CDH22: variants seen among roughly 807,000 people sequenced by gnomAD.
CDH22 encodes the protein cadherin 22, also known as cadherin-22.
A neutral mutation model predicts 58.4 loss-of-function variants in CDH22; 30 were observed. The ratio of observed to expected loss-of-function variants is 0.51; its 90% CI spans 0.38 to 0.70. CDH22 has a LOEUF of 0.70. Among genes scored for constraint, CDH22 ranks in the 30% least tolerant of loss-of-function variants. The pLI is 0.00. For synonymous variants in CDH22, 513 were observed against 558.2 expected (o/e 0.92, Z 1.14); for missense variants, 1,014 against 1,233.9 (o/e 0.82, Z 2.67).
chr20:46,190,251 G>A (rs1323911887), intron 8 of CDH22, among the ~76,000 whole-genome samples: 1 of 152,204 alleles, frequency 6.6e-6, no homozygotes, highest in African/African-American at 2.4e-5. Flanking sequence ...CCTTGAAGAA[G>A]GCCTTGTTAA....
chr20:46,224,964 G>A (rs960430864), intron 4 of CDH22, among the ~76,000 whole-genome samples: 5 of 152,226 alleles, frequency 3.3e-5, no homozygotes, highest in Non-Finnish European at 7.3e-5. Context: ...GGGCTCCAGG[G>A]CCTCCCTGCC....
At chr20:46,181,752 C>CTGCTTTCTTTCTTTCTTTCT (rs2085788167) in intron 10 of CDH22, among the ~76,000 whole-genome samples, 1 of 26,272 alleles carries the variant, frequency 3.8e-5, no homozygotes, top group Admixed American at 4.5e-4. Context: ...TCCTTCCTTC[C>CTGCTTTCTTTCTTTCTTTCT]TTCTTTCTTT....
At chr20:46,200,525 G>A (rs573475349) in intron 7 of CDH22, among the ~76,000 whole-genome samples, 1 of 150,316 alleles carries the variant, frequency 6.7e-6, no homozygotes, top group South Asian at 2.1e-4. Context: ...CAAGCGATCC[G>A]CTCGCCTTGG....
intron 8 of CDH22, among the ~76,000 whole-genome samples, chr20:46,198,230 T>G (rs139216183): frequency 6.9e-4 from 104 of 151,606 alleles, no homozygotes; most frequent in African/African-American, 2.5e-3. Context: ...GGATGCCATG[T>G]CTCAGGCTCT....
chr20:46,306,193 C>T (rs990514941), intron 1 of CDH22, among the ~76,000 whole-genome samples: 4 of 152,242 alleles, frequency 2.6e-5, no homozygotes, highest in African/African-American at 4.8e-5. Flanking sequence ...CTGCCTGCAG[C>T]GTGAAGCCAA....
Position 46,186,674 on chromosome 20 carries a change from T to A in CDH22, c.1577A>T (p.Asp526Val). 6.2e-7 allele frequency: 1 copy of A among 1,613,890 alleles called. No individual in the cohort carries two copies. The highest frequency in any genetic ancestry group is 8.5e-7 in the Non-Finnish European group (1 of 1,179,976). ...LIQTISVVDR[D>V]EPQGGHRFYF... The stretch of plus-strand genomic sequence containing the variant: ...GAAGCGGTGCCCGCCTTGGGGCTCG[T>A]CTCTGTCCACCACGCTGATGGTCTG... The change falls in exon 10 of 12, where the codon GAC (aspartate) becomes GTC (valine). Residue 526 changes from aspartate (D) to valine (V), a missense_variant. Coordinates refer to ENST00000537909, the MANE Select transcript of CDH22 (RefSeq NM_021248.3).
chr20:46,288,017 T>C (rs1167725247), intron 1 of CDH22, among the ~76,000 whole-genome samples: 3 of 152,138 alleles, frequency 2.0e-5, no homozygotes, highest in Non-Finnish European at 4.4e-5. Context: ...GATGAGGACC[T>C]GTTCGGTAAG....
In CDH22 at chr20:46,210,705, G is replaced by C; in HGVS notation, c.1033-145C>G. 1 of 717,162 alleles carries C rather than the reference G, an allele frequency of 1.4e-6. No individual in the cohort carries two copies. The highest frequency in any genetic ancestry group is 2.0e-6 in the Non-Finnish European group (1 of 491,428). The allele number at this position is 717,162 out of a possible 1,614,324, so 44.4% of individuals were successfully genotyped here. A position where few individuals can be genotyped will look rare whatever the true frequency, so the allele number is the denominator to read the frequency against. On this transcript the variant is annotated intron_variant, in intron 6 of 11. Transcript: ENST00000537909. The surrounding 1 kb of genome is among the most constrained non-coding windows in gnomAD (Gnocchi z 4.5). ...GCAGGGATGTTTGGGCTGCATTGCA[G>C]AACTGACCCAGACCAACCCGGTGGG...
chr20:46,307,836 G>C (rs1600733518), intron 1 of CDH22, among the ~76,000 whole-genome samples: 1 of 152,022 alleles, frequency 6.6e-6, no homozygotes, highest in East Asian at 1.9e-4. Flanking sequence ...GGGGGACCGG[G>C]AACGCCTGGG....
intron 8 of CDH22, among the ~76,000 whole-genome samples, chr20:46,196,200 C>T (rs896309051): frequency 3.3e-5 from 5 of 152,162 alleles, no homozygotes; most frequent in African/African-American, 1.2e-4. Context: ...TCTGTTTCCT[C>T]ATCTGTAAAA....
chr20:46,233,934 T>G (rs2086236458), intron 3 of CDH22, among the ~76,000 whole-genome samples: 1 of 152,246 alleles, frequency 6.6e-6, no homozygotes, highest in South Asian at 2.1e-4. Flanking sequence ...GATTGATTCC[T>G]GGCTTGGGCC....
intron 7 of CDH22, among the ~76,000 whole-genome samples, chr20:46,202,377 G>A (rs1353537633): frequency 6.8e-6 from 1 of 146,470 alleles, no homozygotes; most frequent in Non-Finnish European, 1.5e-5. Context: ...TTTTTGAGAC[G>A]GAGTCTTGCT....
rs2086375694 is a variant in CDH22, at chr20:46,251,495, G to A, written c.-201C>T. On this transcript the variant is annotated 5_prime_UTR_variant, in exon 2 of 12. Transcript: ENST00000537909. The surrounding 1 kb of genome is among the most constrained non-coding windows in gnomAD (Gnocchi z 6.7). ...CGGGGGTACCCGGCTGGAGGGGGAG[G>A]GGGCGCGGCCGCATCCGGGGCATGG... The A allele has an allele frequency of 4.2e-6, 2 of 481,820 alleles. No homozygotes were observed. The highest frequency in any genetic ancestry group is 6.5e-6 in the Non-Finnish European group (2 of 308,544). The allele number at this position is 481,820 out of a possible 1,614,324, so 29.8% of individuals were successfully genotyped here.
intron 10 of CDH22, among the ~76,000 whole-genome samples, chr20:46,179,924 C>T (rs1157057051): frequency 6.6e-6 from 1 of 151,044 alleles, no homozygotes; most frequent in Non-Finnish European, 1.5e-5. Context: ...CTGGAACACC[C>T]TCTTCACCTT....
At chr20:46,175,536 G>T (rs1364770317) in intron 11 of CDH22, among the ~76,000 whole-genome samples, 1 of 152,174 alleles carries the variant, frequency 6.6e-6, no homozygotes, top group East Asian at 1.9e-4. Flanking sequence ...CACACCAGAA[G>T]TCTTGAGCTC....
chr20:46,302,993 C>T lies in CDH22; in HGVS notation c.-400+5262G>A, dbSNP rs1241791398. ...CAGCAGCCCGGGACCTGGTCTTCCC[C>T]ACCCAGCAGCAGGATGAGGCTTCTA... On this transcript the variant is annotated intron_variant, in intron 1 of 11. Coordinates refer to ENST00000537909, the MANE Select transcript of CDH22 (RefSeq NM_021248.3). Among the ~76,000 whole-genome samples the T allele has an allele frequency of 3.9e-5, 6 of 152,296 alleles. No homozygotes were observed. In the East Asian group the frequency reaches 1.2e-3, roughly 29 times the overall value.
intron 1 of CDH22, among the ~76,000 whole-genome samples, chr20:46,285,769 C>T (rs887116882): frequency 6.6e-6 from 1 of 152,160 alleles, no homozygotes; most frequent in Admixed American, 6.5e-5. Flanking sequence ...CAATTTGACA[C>T]ATATACATTG....
chr20:46,203,596 C>A (rs978751542), intron 7 of CDH22, among the ~76,000 whole-genome samples: 1 of 152,222 alleles, frequency 6.6e-6, no homozygotes, highest in African/African-American at 2.4e-5. Flanking sequence ...GATAATCCTA[C>A]TTTGTAAGTT....
intron 4 of CDH22, among the ~76,000 whole-genome samples, chr20:46,224,834 T>A (rs1295846781): frequency 1.3e-5 from 2 of 152,204 alleles, no homozygotes; most frequent in African/African-American, 4.8e-5. Flanking sequence ...ATCCTCACTA[T>A]GAATTCTTCA....
Sources: gnomAD v4.1 joint callset for allele counts (sites outside exome capture counted in the v4.1 genomes callset) on GRCh38, gnomAD v4.1.1 for gene constraint, Gnocchi (gnomAD v3.1) non-coding constraint, MANE v1.5 for transcripts, NCBI Gene and HGNC (gene_info 2026-07-23, HGNC 2026-07-21) for gene names.